The following NEGR1 variants were observed in gnomAD, a reference collection of about 807,000 sequenced individuals.
NEGR1 encodes the protein IgLON family member 4.
NEGR1 carries 10 observed loss-of-function variants against 40.9 expected under a neutral mutation model. The observed-to-expected ratio is 0.24, with a 90% CI of 0.15 to 0.42. The LOEUF is 0.42. NEGR1 is among the 10% of genes least tolerant of loss of function. NEGR1 has a pLI of 1.00. For synonymous variants in NEGR1, 185 were observed against 166.8 expected (o/e 1.11, Z -0.84); for missense variants, 352 against 438.9 (o/e 0.80, Z 1.77).
intron 2 of NEGR1, among the ~76,000 whole-genome samples, chr1:71,833,832 C>A (rs1477185377): frequency 6.6e-6 from 1 of 152,060 alleles, no homozygotes; most frequent in Non-Finnish European, 1.5e-5. Flanking sequence ...TTAGAACCAG[C>A]GCACTCTCAC....
chr1:71,547,298 C>A (rs1230012947), intron 6 of NEGR1, among the ~76,000 whole-genome samples: 1 of 151,732 alleles, frequency 6.6e-6, no homozygotes, highest in Non-Finnish European at 1.5e-5. Flanking sequence ...CTAACTTGTT[C>A]ATTTGTCAAG....
chr1:72,211,387 C>G (rs528964334), intron 1 of NEGR1, among the ~76,000 whole-genome samples: 1 of 151,444 alleles, frequency 6.6e-6, no homozygotes, highest in East Asian at 2.0e-4. Context: ...GGTAAATGAA[C>G]CAGATTTTGG....
chr1:71,793,684 T>C (rs1340935119), intron 2 of NEGR1, among the ~76,000 whole-genome samples: 2 of 152,094 alleles, frequency 1.3e-5, no homozygotes, highest in East Asian at 3.9e-4. Flanking sequence ...ATTCATCAAG[T>C]GAATCCAGTA....
At chr1:71,830,516 A>C (rs1462517842) in intron 2 of NEGR1, among the ~76,000 whole-genome samples, 3 of 151,920 alleles carry the variant, frequency 2.0e-5, no homozygotes, top group Non-Finnish European at 2.9e-5. Flanking sequence ...TGTTGATTGC[A>C]TTCTTGACAC....
intron 4 of NEGR1, among the ~76,000 whole-genome samples, chr1:71,665,196 C>G (rs555512318): frequency 1.3e-5 from 2 of 152,100 alleles, no homozygotes; most frequent in Admixed American, 6.6e-5. Context: ...AATAATAAAG[C>G]TAATTTTTCT....
intron 2 of NEGR1, among the ~76,000 whole-genome samples, chr1:71,911,382 CTA>C (rs1661416986): frequency 1.3e-5 from 2 of 152,146 alleles, no homozygotes; most frequent in South Asian, 2.1e-4. Context: ...TCTATTATTA[CTA>C]TCTTTTTGAT....
At position 71,565,283 on chromosome 1, in the gene NEGR1, C is replaced by A. The variant is rs190131023; in HGVS notation, c.940+27534G>T. Among the ~76,000 whole-genome samples the A allele has an allele frequency of 3.9e-5, 6 of 152,124 alleles. No homozygotes were observed. The East Asian group carries it at 1.2e-3, about 29-fold the overall frequency. On this transcript the variant is annotated intron_variant, in intron 6 of 6. Coordinates refer to ENST00000357731, the MANE Select transcript of NEGR1 (RefSeq NM_173808.3). Reference sequence around the variant, plus strand: ...GGTTACTAGGGAATTAAGACATATTCAAAGGAAAAGAAAAGGAAAAAATAA... The same window carrying A: ...GGTTACTAGGGAATTAAGACATATTAAAAGGAAAAGAAAAGGAAAAAATAA...
intron 2 of NEGR1, among the ~76,000 whole-genome samples, chr1:71,823,740 C>T (rs1450848316): frequency 6.6e-6 from 1 of 151,978 alleles, no homozygotes; most frequent in Non-Finnish European, 1.5e-5. Context: ...TTAAGAAAAG[C>T]CTGTACAGAT....
At chr1:71,536,306 C>T (rs558063240) in intron 6 of NEGR1, among the ~76,000 whole-genome samples, 8 of 151,652 alleles carry the variant, frequency 5.3e-5, no homozygotes, top group Admixed American at 1.3e-4. Context: ...GTTTGGGCTA[C>T]GGAAGTGGAT....
intron 1 of NEGR1, among the ~76,000 whole-genome samples, chr1:72,196,905 C>A (rs758154138): frequency 1.8e-4 from 27 of 151,974 alleles, no homozygotes; most frequent in Non-Finnish European, 3.2e-4. Flanking sequence ...ATTTTAATAA[C>A]CATTTTCTAA....
intron 1 of NEGR1, among the ~76,000 whole-genome samples, chr1:72,047,127 CTGTTT>C (rs1647009973): frequency 6.6e-6 from 1 of 151,018 alleles, no homozygotes. Context: ...ATTAGTTTTG[CTGTTT>C]TGTTTTGTTT....
intron 1 of NEGR1, among the ~76,000 whole-genome samples, chr1:71,986,672 GC>G (rs1646397430): frequency 6.6e-6 from 1 of 152,174 alleles, no homozygotes. Context: ...TAACTTTCAA[GC>G]ATCTGGTCTC....
chr1:72,270,696 C>T (rs1655813528), intron 1 of NEGR1, among the ~76,000 whole-genome samples: 1 of 151,832 alleles, frequency 6.6e-6, no homozygotes, highest in South Asian at 2.1e-4. Flanking sequence ...CTGTTTCTTT[C>T]CATTTCTCAC....
At chr1:71,857,157 A>G (rs1049746696) in intron 2 of NEGR1, among the ~76,000 whole-genome samples, 10 of 152,068 alleles carry the variant, frequency 6.6e-5, no homozygotes, top group Non-Finnish European at 8.8e-5. Context: ...GTAAAAGTCT[A>G]ATATTGCATT....
intron 3 of NEGR1, among the ~76,000 whole-genome samples, chr1:71,730,560 A>G (rs1350229668): frequency 1.7e-5 from 2 of 118,652 alleles, no homozygotes; most frequent in Non-Finnish European, 3.5e-5. Flanking sequence ...GTGTATATAT[A>G]GTATAAATTT....
At chr1:72,272,875 T>C (rs2100560581) in intron 1 of NEGR1, among the ~76,000 whole-genome samples, 1 of 152,138 alleles carries the variant, frequency 6.6e-6, no homozygotes, top group South Asian at 2.1e-4. Flanking sequence ...ATTTGGAAAG[T>C]ACAATATATT....
chr1:72,143,914 A>ATATATATAATATATATAT (rs1491498187), intron 1 of NEGR1, among the ~76,000 whole-genome samples: 2 of 130,612 alleles, frequency 1.5e-5, no homozygotes, highest in African/African-American at 5.9e-5. Context: ...TGATATATAT[A>ATATATATAATATATATAT]ATATATATAT....
Position 71,776,316 on chromosome 1 carries a change from C to A in NEGR1, c.410-19G>T. On this transcript the variant is annotated intron_variant, in intron 2 of 6. Transcript: ENST00000357731. ...GGAGGAACTGAAATGACAAAATACG[C>A]AGTGATTAGAAAAAAATATATAAAG... 6.7e-7 allele frequency: 1 copy of A among 1,489,088 alleles called. No individual in the cohort carries two copies. The highest frequency in any genetic ancestry group is 9.1e-7 in the Non-Finnish European group (1 of 1,098,124). The allele number at this position is 1,489,088 out of a possible 1,614,324, so 92.2% of individuals were successfully genotyped here. A position where few individuals can be genotyped will look rare whatever the true frequency, so the allele number is the denominator to read the frequency against.
At chr1:71,485,294 AG>A (rs1372263431) in intron 6 of NEGR1, among the ~76,000 whole-genome samples, 2 of 151,452 alleles carry the variant, frequency 1.3e-5, no homozygotes, top group African/African-American at 4.8e-5. Flanking sequence ...TTTTTAGAAA[AG>A]CTTTAGATTT....
Sources: gnomAD v4.1 joint callset for allele counts (sites outside exome capture counted in the v4.1 genomes callset) on GRCh38, gnomAD v4.1.1 for gene constraint, MANE v1.5 for transcripts, NCBI Gene and HGNC (gene_info 2026-07-23, HGNC 2026-07-21) for gene names.